IL17REL: variants seen among roughly 807,000 people sequenced by gnomAD.
IL17REL encodes the protein interleukin 17 receptor E like.
Under a neutral mutation model 49.0 loss-of-function variants are expected in IL17REL, and 36 were observed. The observed-to-expected ratio is 0.73, with a 90% CI of 0.56 to 0.97. The LOEUF (loss-of-function observed/expected upper bound fraction) is 0.97. Among genes scored for constraint, IL17REL ranks in the 50% least tolerant of loss-of-function variants. The pLI, the probability that IL17REL is intolerant of heterozygous loss-of-function variation, is 0.00. For missense variants in IL17REL, 470 were observed against 453.9 expected (o/e 1.04, Z -0.32); for synonymous variants, 206 against 192.4 (o/e 1.07, Z -0.58).
intron 1 of IL17REL, among the ~76,000 whole-genome samples, chr22:50,006,862 G>C (rs1405308250): frequency 6.6e-6 from 1 of 151,506 alleles, no homozygotes; most frequent in Non-Finnish European, 1.5e-5. Context: ...GGCTGAGGCA[G>C]GTGAATTGCT....
chr22:49,998,734 GGTGTGTATGTGCAT>G (rs949655291), intron 7 of IL17REL, among the ~76,000 whole-genome samples: 1 of 148,012 alleles, frequency 6.8e-6, no homozygotes, highest in Admixed American at 6.7e-5. Context: ...CATGTGTATG[GGTGTGTATGTGCAT>G]GGGTGCGTGT....
intron 4 of IL17REL, 40 bp from the exon 7 acceptor site, chr22:50,000,007 G>T: frequency 6.9e-7 from 1 of 1,445,448 alleles, no homozygotes; most frequent in East Asian, 2.9e-5. Context: ...TGGGACCAGC[G>T]GTCACCGACG....
chr22:50,001,868 G>T (rs768996805), intron 1 of IL17REL, among the ~76,000 whole-genome samples: 2 of 152,242 alleles, frequency 1.3e-5, no homozygotes, highest in Admixed American at 1.3e-4. Flanking sequence ...CAACCCAGCT[G>T]TTCCACAGGA....
In IL17REL at chr22:50,000,881, C is replaced by G. The variant is rs914808769; in HGVS notation, c.110-18G>C. The G allele has an allele frequency of 6.6e-7, 1 of 1,507,938 alleles. No individual in the cohort carries two copies. Among genetic ancestry groups the G allele is most frequent in the African/African-American group, 1.4e-5 (1 of 71,578 alleles). 93.4% of individuals were successfully genotyped at this position (1,507,938 alleles called of 1,614,324 possible). On this transcript the variant is annotated intron_variant, in intron 2 of 12. Transcript: ENST00000341280. Reference sequence around the variant, plus strand: ...CAGGCGCTCTGGGTGGAGGAAGGACCCGGCAGGGTGCATCAGAGCAGGGCC... The same window carrying G: ...CAGGCGCTCTGGGTGGAGGAAGGACGCGGCAGGGTGCATCAGAGCAGGGCC...
chr22:50,010,906 G>A (rs938531325), upstream of IL17REL, among the ~76,000 whole-genome samples: 1 of 151,834 alleles, frequency 6.6e-6, no homozygotes, highest in Non-Finnish European at 1.5e-5. Flanking sequence ...GGCCGGCGTC[G>A]GGGGGTGTGC....
At chr22:49,998,913 ATGTT>A (rs2061055972) in intron 7 of IL17REL, among the ~76,000 whole-genome samples, 1 of 147,850 alleles carries the variant, frequency 6.8e-6, no homozygotes, top group African/African-American at 2.5e-5. Context: ...ATGGGCGTGT[ATGTT>A]CATGGGTGTC....
chr22:50,003,783 T>C (rs1011052877), intron 1 of IL17REL, among the ~76,000 whole-genome samples: 4 of 152,184 alleles, frequency 2.6e-5, no homozygotes, highest in Admixed American at 2.0e-4. Flanking sequence ...AGTGAAATAA[T>C]AGATTATTTC....
chr22:49,999,098 G>GCACACA lies in IL17REL; in HGVS notation c.601+187_601+192dup, dbSNP rs144306366. On this transcript the variant is annotated intron_variant, in intron 7 of 12. Coordinates refer to ENST00000341280, the Ensembl canonical transcript of IL17REL. ...GTCCACGTGCGCACACATGTACATT[G>GCACACA]CACACACACACACACTTATGCACAT... Among the ~76,000 whole-genome samples the GCACACA allele has an allele frequency of 9.3e-3, 1,413 of 151,516 alleles. 21 individuals carry two copies. The highest frequency in any genetic ancestry group is 0.033 in the African/African-American group (1,348 of 41,274).
rs2061122600 is a variant in IL17REL at position 50,008,620 on chromosome 22, G to A, written c.-42+17C>T. On this transcript the variant is annotated intron_variant, in intron 1 of 12. Transcript: ENST00000341280. ...AGTCCAGGCCCTGAGCATCCCCCGG[G>A]GCTGAGATGTACTCACGGTTCCTGT... The A allele has an allele frequency of 6.6e-6, 1 of 152,542 alleles. No homozygotes were observed. The allele number at this position is 152,542 out of a possible 1,614,324, so 9.4% of individuals were successfully genotyped here.
At chr22:50,001,550 C>T (rs576776503) in intron 1 of IL17REL, among the ~76,000 whole-genome samples, 87 of 152,342 alleles carry the variant, frequency 5.7e-4, no homozygotes, top group African/African-American at 2.0e-3. Flanking sequence ...CCACGACTTG[C>T]TGGCAAGCTC....
At chr22:50,007,414 A>C (rs1448603306) in intron 1 of IL17REL, among the ~76,000 whole-genome samples, 1 of 152,164 alleles carries the variant, frequency 6.6e-6, no homozygotes, top group African/African-American at 2.4e-5. Flanking sequence ...TCCATTGCCC[A>C]GGCTGGAGTG....
chr22:50,009,514 TCCAGGCCCCCTGGGGGCGGCCACTGAG>T (rs2061127259), upstream of IL17REL, among the ~76,000 whole-genome samples: 1 of 151,904 alleles, frequency 6.6e-6, no homozygotes, highest in African/African-American at 2.4e-5. Flanking sequence ...ACCCCCAGAG[TCCAGGCCCCCTGGGGGCGGCCACTGAG>T]CCTGGGGTGT....
intron 2 of IL17REL, 23 bp from the exon 4 acceptor site, chr22:50,000,886 A>G (rs781593336): frequency 2.0e-6 from 3 of 1,495,206 alleles, no homozygotes; most frequent in Non-Finnish European, 2.7e-6. Flanking sequence ...AGGACCCGGC[A>G]GGGTGCATCA....
At chr22:49,999,001 C>T (rs1315744621) in intron 7 of IL17REL, among the ~76,000 whole-genome samples, 1 of 152,082 alleles carries the variant, frequency 6.6e-6, no homozygotes, top group Non-Finnish European at 1.5e-5. Context: ...TGAGCAGAAC[C>T]GAGAGCAGGA....
chr22:50,000,310 C>T (rs951613510), intron 4 of IL17REL, among the ~76,000 whole-genome samples, 70 bp from the exon 6 acceptor site: 8 of 152,220 alleles, frequency 5.3e-5, no homozygotes, highest in Non-Finnish European at 1.2e-4. Flanking sequence ...CTCCACCCGC[C>T]CCCCATCCAC....
chr22:50,011,488 A>G (rs1306644973), upstream of IL17REL, among the ~76,000 whole-genome samples: 1 of 151,698 alleles, frequency 6.6e-6, no homozygotes, highest in Non-Finnish European at 1.5e-5. Flanking sequence ...CATGTCTCCC[A>G]ACTCAGGGAC....
chr22:49,998,144 T>C (rs372492027), exon 8 of IL17REL: 2 of 1,605,846 alleles, frequency 1.2e-6, no homozygotes, highest in African/African-American at 2.7e-5. Context: ...CACTCTGCGA[T>C]GCACCAGCTG....
chr22:49,998,536 G>T (rs966830857), intron 7 of IL17REL, among the ~76,000 whole-genome samples: 1 of 151,544 alleles, frequency 6.6e-6, no homozygotes, highest in Non-Finnish European at 1.5e-5. Context: ...CTGTGCATGG[G>T]TGTCATGGGT....
downstream of IL17REL, among the ~76,000 whole-genome samples, chr22:49,993,505 G>C (rs1317733591): frequency 6.6e-6 from 1 of 152,186 alleles, no homozygotes; most frequent in African/African-American, 2.4e-5. The surrounding 1 kb of genome is among the most constrained non-coding windows in gnomAD (Gnocchi z 6.0). Context: ...GGGTGCTGGG[G>C]CGGCTGATCC....
Sources: gnomAD v4.1 joint callset for allele counts (sites outside exome capture counted in the v4.1 genomes callset) on GRCh38, gnomAD v4.1.1 for gene constraint, Gnocchi (gnomAD v3.1) non-coding constraint, MANE v1.5 for transcripts, NCBI Gene and HGNC (gene_info 2026-07-23, HGNC 2026-07-21) for gene names.